CTNNA2: variants seen among roughly 807,000 people sequenced by gnomAD.
CTNNA2 encodes the protein catenin alpha 2, also known as catenin alpha-2.
In CTNNA2, 42 loss-of-function variants were observed where a neutral mutation model predicts 101.0. The ratio of observed to expected loss-of-function variants is 0.42; its 90% CI spans 0.32 to 0.54. CTNNA2 has a LOEUF of 0.54. CTNNA2 is among the 20% of genes least tolerant of loss of function. CTNNA2 has a pLI of 0.14. For missense variants in CTNNA2, 871 were observed against 1,223.1 expected, an observed-to-expected ratio of 0.71 and a Z score of 4.29; for synonymous variants, 450 against 456.4, an observed-to-expected ratio of 0.99 and a Z score of 0.18.
chr2:80,390,947 T>A (rs1454414274), intron 7 of CTNNA2, among the ~76,000 whole-genome samples: 1 of 151,862 alleles, frequency 6.6e-6, no homozygotes. Flanking sequence ...CTGGCCAATA[T>A]GGTGAAATCC....
At chr2:79,239,682 G>A (rs1057495472) in intron 2 of CTNNA2, among the ~76,000 whole-genome samples, 1 of 152,064 alleles carries the variant, frequency 6.6e-6, no homozygotes, top group African/African-American at 2.4e-5. Context: ...TGCAACAAAA[G>A]CAAAAATTGA....
At chr2:80,380,574 G>C (rs72813672) in intron 7 of CTNNA2, among the ~76,000 whole-genome samples, 5,200 of 152,272 alleles carry the variant, frequency 0.034, 202 homozygotes, top group East Asian at 0.1. Flanking sequence ...TGAGATATAT[G>C]CGCAATCTGA....
intron 18 of CTNNA2, among the ~76,000 whole-genome samples, chr2:80,645,200 C>T (rs1310393387): frequency 6.6e-6 from 1 of 152,120 alleles, no homozygotes; most frequent in Non-Finnish European, 1.5e-5. Context: ...TATGAATTAA[C>T]ATTACTCATT....
At chr2:80,637,902 G>C (rs1673048676) in intron 18 of CTNNA2, among the ~76,000 whole-genome samples, 1 of 152,118 alleles carries the variant, frequency 6.6e-6, no homozygotes, top group South Asian at 2.1e-4. Context: ...TGGAGGGTAG[G>C]AGCCATTTTG....
At chr2:79,756,913 A>G (rs1672439366) in intron 3 of CTNNA2, among the ~76,000 whole-genome samples, 1 of 152,210 alleles carries the variant, frequency 6.6e-6, no homozygotes, top group African/African-American at 2.4e-5. Context: ...CAAAACTGAC[A>G]ATACAAACTG....
At chr2:79,744,732 A>T (rs1671521584) in intron 3 of CTNNA2, 150 bp downstream of exon 3, 2 of 743,514 alleles carry the variant, frequency 2.7e-6, no homozygotes, top group South Asian at 2.1e-5. Context: ...TGTTTGCTGG[A>T]TGTGGTACAT....
chr2:79,539,227 G>A (rs1245578872), intron 1 of CTNNA2, among the ~76,000 whole-genome samples: 1 of 152,086 alleles, frequency 6.6e-6, no homozygotes, highest in Non-Finnish European at 1.5e-5. Flanking sequence ...TAGGAGTGAG[G>A]CATGCAAATG....
intron 7 of CTNNA2, among the ~76,000 whole-genome samples, chr2:80,033,521 G>A (rs1000529467): frequency 7.9e-5 from 12 of 152,180 alleles, no homozygotes; most frequent in African/African-American, 2.9e-4. Flanking sequence ...GCTGCAGTGA[G>A]TGACCCGTGA....
intron 7 of CTNNA2, among the ~76,000 whole-genome samples, chr2:79,974,723 G>A (rs1690716786): frequency 6.6e-6 from 1 of 152,048 alleles, no homozygotes; most frequent in South Asian, 2.1e-4. Flanking sequence ...CCATTATTGG[G>A]GAGCTTAAAT....
chr2:79,592,122 CTT>C (rs56250033), intron 1 of CTNNA2, among the ~76,000 whole-genome samples: 4,777 of 56,634 alleles, frequency 0.084, 124 homozygotes, highest in Non-Finnish European at 0.16. Flanking sequence ...CTTCTTTTTG[CTT>C]TTTTTTTTTT....
intron 15 of CTNNA2, among the ~76,000 whole-genome samples, chr2:80,592,999 T>A (rs1427974688): frequency 6.6e-6 from 1 of 152,182 alleles, no homozygotes; most frequent in Non-Finnish European, 1.5e-5. Flanking sequence ...TACTGACCTT[T>A]GCATCAGAAT....
rs181600098 is a variant in CTNNA2 at position 79,907,494 on chromosome 2, G to A, written c.853-2100G>A. Among the ~76,000 whole-genome samples the A allele has an allele frequency of 2.4e-4, 36 of 152,190 alleles. No homozygotes were observed. The East Asian group carries it at 5.8e-3, about 25-fold the overall frequency. On this transcript the variant is annotated intron_variant, in intron 6 of 18. Transcript: ENST00000402739. ...AGACACAACACTAGTACGTATAGCA[G>A]GAATATCTGTGCTCCCCTCTCAGCT...
intron 18 of CTNNA2, among the ~76,000 whole-genome samples, chr2:80,620,139 C>A (rs1221921977): frequency 6.6e-6 from 1 of 151,600 alleles, no homozygotes; most frequent in African/African-American, 2.4e-5. Context: ...GGTGGGTGTT[C>A]TTAGAAGGGT....
chr2:79,204,787 G>T, intron 2 of CTNNA2, among the ~76,000 whole-genome samples: 1 of 152,188 alleles, frequency 6.6e-6, no homozygotes, highest in Non-Finnish European at 1.5e-5. Context: ...CCAGAGAAAA[G>T]AAATGCTACG....
rs181456371 is a variant in CTNNA2, at chr2:79,891,714, C to T, written c.852+17372C>T. On this transcript the variant is annotated intron_variant, in intron 6 of 18. Transcript: ENST00000402739. The stretch of plus-strand genomic sequence containing the variant: ...GATCAGCAAAATAAACTTAAAATGA[C>T]ATAGGCAAAGGCACACTTAATAAAT... Among the ~76,000 whole-genome samples, 3 of 152,180 alleles carry T rather than the reference C, an allele frequency of 2.0e-5. No individual in the cohort carries two copies. In the East Asian group the frequency reaches 5.8e-4, roughly 29 times the overall value.
chr2:79,596,436 A>C (rs1677194024), intron 1 of CTNNA2, among the ~76,000 whole-genome samples: 1 of 152,168 alleles, frequency 6.6e-6, no homozygotes, highest in South Asian at 2.1e-4. Context: ...ATGAAGAAAT[A>C]TACCTTGTGT....
At chr2:79,717,679 G>A (rs1298743046) in intron 2 of CTNNA2, among the ~76,000 whole-genome samples, 2 of 152,174 alleles carry the variant, frequency 1.3e-5, no homozygotes, top group Admixed American at 1.3e-4. Context: ...AAAAAATTAG[G>A]TGTAAATGTG....
intron 2 of CTNNA2, among the ~76,000 whole-genome samples, chr2:79,213,447 A>C (rs1453385919): frequency 6.6e-6 from 1 of 152,144 alleles, no homozygotes; most frequent in African/African-American, 2.4e-5. Context: ...TGCAAGAGTG[A>C]GGGCTTGAGT....
intron 7 of CTNNA2, among the ~76,000 whole-genome samples, chr2:80,227,614 C>T (rs992915450): frequency 3.9e-5 from 6 of 152,124 alleles, no homozygotes; most frequent in Admixed American, 6.5e-5. Flanking sequence ...GTGCCTGTGG[C>T]GTGATGACCC....
Sources: gnomAD v4.1 joint callset for allele counts (sites outside exome capture counted in the v4.1 genomes callset) on GRCh38, gnomAD v4.1.1 for gene constraint, MANE v1.5 for transcripts, NCBI Gene and HGNC (gene_info 2026-07-23, HGNC 2026-07-21) for gene names.